Variants in CPPED1 observed in about 807,000 individuals in gnomAD.
The protein encoded by CPPED1 is serine/threonine-protein phosphatase CPPED1.
CPPED1 carries 28 observed loss-of-function variants against 28.0 expected under a neutral mutation model. That is an observed-to-expected ratio of 1.00 (90% CI 0.74 to 1.37). The LOEUF is 1.37. CPPED1 is among the 40% of genes most tolerant of loss of function. CPPED1 has a pLI of 0.00. For missense variants in CPPED1, 504 were observed against 416.5 expected (o/e 1.21, Z -1.83); for synonymous variants, 198 against 180.2 (o/e 1.10, Z -0.79).
At chr16:12,686,110 C>G (rs1297740895) in intron 3 of CPPED1, among the ~76,000 whole-genome samples, 1 of 152,186 alleles carries the variant, frequency 6.6e-6, no homozygotes, top group Non-Finnish European at 1.5e-5. Flanking sequence ...GTTTCCTGTT[C>G]TGTACAGCCC....
Position 12,682,384 on chromosome 16 carries a change from T to C in CPPED1, c.716-17269A>G, listed in dbSNP as rs550049832. 7.2e-5 allele frequency among the ~76,000 whole-genome samples: 11 copies of C among 152,286 alleles called. No homozygotes were observed. The highest frequency in any genetic ancestry group is 2.6e-4 in the African/African-American group (11 of 41,566). On this transcript the variant is annotated intron_variant, in intron 3 of 3. Transcript: ENST00000381774. This position sits in a 1 kb window ranked among gnomAD's most constrained non-coding sequence, Gnocchi z 6.1. ...GGGCTATGCTCAACTTTTTATTTTTTCCCCTTCCTGATGACTTACAGATTC... is the reference window on the plus strand; with the variant it reads ...GGGCTATGCTCAACTTTTTATTTTTCCCCCTTCCTGATGACTTACAGATTC...
rs573950025 is a variant in CPPED1 at position 12,726,445 on chromosome 16, C to T, written c.290-21396G>A. 6.5e-4 allele frequency among the ~76,000 whole-genome samples: 98 copies of T among 150,074 alleles called. 1 individual carries two copies. Among genetic ancestry groups the T allele is most frequent in the Admixed American group, 1.7e-3 (25 of 14,966 alleles). On this transcript the variant is annotated intron_variant, in intron 2 of 3. Coordinates refer to ENST00000381774, the MANE Select transcript of CPPED1 (RefSeq NM_018340.3). ...ACAATCTCTACCTCCTGGGTTCAAG[C>T]GATTCTCCTACCTCAGCCTCCCAAG...
At chr16:12,741,740 GACA>G (rs1178684401) in intron 2 of CPPED1, among the ~76,000 whole-genome samples, 2 of 152,242 alleles carry the variant, frequency 1.3e-5, no homozygotes, top group African/African-American at 4.8e-5. Flanking sequence ...TCCTCTCAAA[GACA>G]ACAGTATTTA....
At position 12,704,743 on chromosome 16, in the gene CPPED1, T is replaced by G; in HGVS notation, c.596A>C (p.His199Pro). 1 of 1,614,226 alleles carries G rather than the reference T, an allele frequency of 6.2e-7. No individual in the cohort carries two copies. The change falls in exon 3 of 4, where the codon CAT becomes CCT. Residue 199 changes from histidine (H) to proline (P), a missense_variant. His to Pro is a moderately conservative substitution (Grantham distance 77). Coordinates refer to ENST00000381774, the MANE Select transcript of CPPED1 (RefSeq NM_018340.3). Reference sequence around the variant, plus strand: ...CGGGATGTGCTGGAAGACGATGGCATGCTGGCAGTGCCGCTGCCTCGCGAT... The same window carrying G: ...CGGGATGTGCTGGAAGACGATGGCAGGCTGGCAGTGCCGCTGCCTCGCGAT... ...LSIARQRHCQ[H>P]AIVFQHIPLF...
At position 12,778,395 on chromosome 16, in the gene CPPED1, C is replaced by A. The variant is rs561648301; in HGVS notation, c.289+2790G>T. Reference sequence around the variant, plus strand: ...GGTTCAAGCGATTCTCCTGCCTCAGCCCCCCAGAGTAGCTGGGATCACAGG... The same window carrying A: ...GGTTCAAGCGATTCTCCTGCCTCAGACCCCCAGAGTAGCTGGGATCACAGG... On this transcript the variant is annotated intron_variant, in intron 2 of 3. Coordinates refer to ENST00000381774, the MANE Select transcript of CPPED1 (RefSeq NM_018340.3). Among the ~76,000 whole-genome samples, 409 of 151,516 alleles carry A rather than the reference C, an allele frequency of 2.7e-3. 2 individuals carry two copies. The highest frequency in any genetic ancestry group is 9.3e-3 in the African/African-American group (383 of 41,210).
rs78761345 is a variant in CPPED1, at chr16:12,660,962, T to C, written c.*3924A>G. 6.6e-6 allele frequency: 1 copy of C among 151,924 alleles called. No individual in the cohort carries two copies. Among genetic ancestry groups the C allele is most frequent in the Non-Finnish European group, 1.5e-5 (1 of 67,978 alleles). 9.4% of individuals were successfully genotyped at this position (151,924 alleles called of 1,614,324 possible). A position where few individuals can be genotyped will look rare whatever the true frequency, so the allele number is the denominator to read the frequency against. Reference sequence around the variant, plus strand: ...ACCTTCAACTCCACAAATATAAAAATAAAAAATTAGATGTGGTGACACGAG... The same window carrying C: ...ACCTTCAACTCCACAAATATAAAAACAAAAAATTAGATGTGGTGACACGAG... On this transcript the variant is annotated 3_prime_UTR_variant, in exon 4 of 4. Transcript: ENST00000381774.
chr16:12,786,779 C>T (rs2080565858), intron 1 of CPPED1, among the ~76,000 whole-genome samples: 1 of 152,136 alleles, frequency 6.6e-6, no homozygotes, highest in African/African-American at 2.4e-5. Flanking sequence ...ATTAGTCAGG[C>T]ATGGTGGCAT....
chr16:12,680,351 C>T (rs559558335), intron 3 of CPPED1, among the ~76,000 whole-genome samples: 14 of 151,804 alleles, frequency 9.2e-5, no homozygotes, highest in African/African-American at 2.9e-4. Flanking sequence ...CAGTTCATTT[C>T]GACAGTGAAC....
At chr16:12,743,783 C>T (rs986100319) in intron 2 of CPPED1, among the ~76,000 whole-genome samples, 33 of 152,208 alleles carry the variant, frequency 2.2e-4, no homozygotes, top group African/African-American at 7.2e-4. Context: ...GCAGGTGGAT[C>T]ACTTGAGCCC....
chr16:12,678,503 G>C (rs190450931), intron 3 of CPPED1, among the ~76,000 whole-genome samples: 8 of 152,254 alleles, frequency 5.3e-5, no homozygotes, highest in African/African-American at 1.7e-4. Flanking sequence ...GGGAAATGCC[G>C]TATTAACATT....
chr16:12,723,294 T>C (rs932413809), intron 2 of CPPED1, among the ~76,000 whole-genome samples: 4 of 152,210 alleles, frequency 2.6e-5, no homozygotes, highest in African/African-American at 9.7e-5. Context: ...GAAGCTGCAA[T>C]GGGCAGGATA....
At chr16:12,672,637 T>G (rs2079858339) in intron 3 of CPPED1, among the ~76,000 whole-genome samples, 1 of 152,188 alleles carries the variant, frequency 6.6e-6, no homozygotes, top group Non-Finnish European at 1.5e-5. Context: ...ATTAAACTGC[T>G]TATAGTGGTG....
At chr16:12,692,452 G>A (rs1406385023) in intron 3 of CPPED1, among the ~76,000 whole-genome samples, 2 of 152,090 alleles carry the variant, frequency 1.3e-5, no homozygotes, top group East Asian at 3.9e-4. Flanking sequence ...AAGAATAGAG[G>A]TTCGCTATCA....
At chr16:12,727,008 C>A (rs2080173566) in intron 2 of CPPED1, among the ~76,000 whole-genome samples, 1 of 152,004 alleles carries the variant, frequency 6.6e-6, no homozygotes, top group Non-Finnish European at 1.5e-5. Flanking sequence ...AAGGACGCTG[C>A]CCCTCATTTC....
chr16:12,789,281 A>T (rs990226046), intron 1 of CPPED1, among the ~76,000 whole-genome samples: 2 of 152,164 alleles, frequency 1.3e-5, no homozygotes, highest in African/African-American at 4.8e-5. Context: ...ACAAACCCTT[A>T]TCTATGGTAA....
chr16:12,776,619 C>A (rs1244890948), intron 2 of CPPED1, among the ~76,000 whole-genome samples: 2 of 152,100 alleles, frequency 1.3e-5, no homozygotes, highest in African/African-American at 4.8e-5. Context: ...TTGTCTGCTG[C>A]CATATAAGAT....
chr16:12,697,570 T>C (rs1442710854), intron 3 of CPPED1, among the ~76,000 whole-genome samples: 1 of 152,166 alleles, frequency 6.6e-6, no homozygotes, highest in African/African-American at 2.4e-5. Context: ...AGCAAGAGCG[T>C]CACCCTGTAA....
intron 3 of CPPED1, among the ~76,000 whole-genome samples, chr16:12,692,660 T>C (rs1315691543): frequency 6.6e-6 from 1 of 152,182 alleles, no homozygotes; most frequent in African/African-American, 2.4e-5. Flanking sequence ...TGCCACACCA[T>C]GGGAGCAGCC....
Position 12,781,279 on chromosome 16 carries a change from G to A in CPPED1, c.195C>T (p.Ile65=). Residue 65 remains isoleucine, a synonymous_variant, in exon 2 of 4, where the codon ATC becomes ATT. Coordinates refer to ENST00000381774, the MANE Select transcript of CPPED1 (RefSeq NM_018340.3). ...DNGGDEWEQE[I]RLTEQAVQAI... ...CCTGGACGGCTTGCTCAGTTAGACGGATCTCCTGTTCCCATTCGTCACCGC... is the reference window on the plus strand; with the variant it reads ...CCTGGACGGCTTGCTCAGTTAGACGAATCTCCTGTTCCCATTCGTCACCGC... 6.2e-7 allele frequency: 1 copy of A among 1,614,110 alleles called. No individual in the cohort carries two copies. Among genetic ancestry groups the A allele is most frequent in the Non-Finnish European group, 8.5e-7 (1 of 1,180,010 alleles).
Sources: gnomAD v4.1 joint callset for allele counts (sites outside exome capture counted in the v4.1 genomes callset) on GRCh38, gnomAD v4.1.1 for gene constraint, Gnocchi (gnomAD v3.1) non-coding constraint, MANE v1.5 for transcripts, NCBI Gene and HGNC (gene_info 2026-07-23, HGNC 2026-07-21) for gene names.